Variants in CANX observed in about 807,000 individuals in gnomAD.
The protein encoded by CANX is calnexin.
A neutral mutation model predicts 75.7 loss-of-function variants in CANX; 14 were observed. The observed-to-expected ratio is 0.19, with a 90% confidence interval of 0.12 to 0.29. The LOEUF (loss-of-function observed/expected upper bound fraction) is 0.29. Ranked by LOEUF, CANX falls within the 10% of genes least tolerant of loss-of-function variation. The probability of loss-of-function intolerance (pLI) is 1.00; values close to 1 mark genes in which losing one functional copy is unlikely to be tolerated. For synonymous variants in CANX, 227 were observed against 236.9 expected (o/e 0.96, Z 0.38); for missense variants, 567 against 713.2 (o/e 0.79, Z 2.34).
intron 14 of CANX, among the ~76,000 whole-genome samples, chr5:179,727,353 T>C (rs1361684661): frequency 6.6e-6 from 1 of 152,162 alleles, no homozygotes; most frequent in Non-Finnish European, 1.5e-5. Flanking sequence ...GAAAAGATAC[T>C]AAAAGTGCTA....
At chr5:179,701,410 A>G (rs1011574476) in intron 1 of CANX, among the ~76,000 whole-genome samples, 1 of 151,752 alleles carries the variant, frequency 6.6e-6, no homozygotes, top group African/African-American at 2.4e-5. Flanking sequence ...GCCTCGCCAA[A>G]ATGGTGAAAC....
intron 8 of CANX, among the ~76,000 whole-genome samples, chr5:179,716,625 G>A (rs1353480316): frequency 6.6e-6 from 1 of 152,166 alleles, no homozygotes; most frequent in East Asian, 1.9e-4. Flanking sequence ...GTTCTGAAAT[G>A]CTAAATTTTA....
intron 7 of CANX, among the ~76,000 whole-genome samples, chr5:179,712,933 T>C (rs1777680358): frequency 6.7e-6 from 1 of 148,350 alleles, no homozygotes; most frequent in African/African-American, 2.5e-5. Flanking sequence ...TTTTTCCAGC[T>C]AATTTTTCTG....
chr5:179,720,023 C>CT (rs1296893751), intron 9 of CANX, among the ~76,000 whole-genome samples: 1 of 151,674 alleles, frequency 6.6e-6, no homozygotes, highest in African/African-American at 2.4e-5. Flanking sequence ...TAGAGACGGA[C>CT]TTTCACCGTG....
intron 1 of CANX, among the ~76,000 whole-genome samples, chr5:179,685,317 C>T (rs1776171126): frequency 6.6e-6 from 1 of 152,060 alleles, no homozygotes; most frequent in African/African-American, 2.4e-5. Flanking sequence ...TCTTGTTGCC[C>T]AGGCTGAAGT....
intron 9 of CANX, 58 bp downstream of exon 9, chr5:179,719,839 TGAGA>T: frequency 1.1e-6 from 1 of 939,226 alleles, no homozygotes; most frequent in African/African-American, 1.7e-5. Flanking sequence ...TTTTTTTTTT[TGAGA>T]TGGAGTCTCA....
chr5:179,708,916 A>G (rs2113156648), intron 5 of CANX, 62 bp from the exon 6 acceptor site: 2 of 860,536 alleles, frequency 2.3e-6, no homozygotes, highest in Admixed American at 1.7e-5. Flanking sequence ...GAGGAAATAC[A>G]TTAAGAGAGT....
chr5:179,695,404 A>AC (rs1186977719), upstream of CANX, among the ~76,000 whole-genome samples: 3 of 151,728 alleles, frequency 2.0e-5, no homozygotes, highest in Non-Finnish European at 4.4e-5. Flanking sequence ...ATCTCAGCTC[A>AC]CCGCATCCTC....
chr5:179,685,121 C>T (rs571576413), intron 1 of CANX, among the ~76,000 whole-genome samples: 1 of 151,248 alleles, frequency 6.6e-6, no homozygotes, highest in Non-Finnish European at 1.5e-5. Context: ...TTTTTGGAGG[C>T]AGAGTCTCGC....
At chr5:179,725,910 C>G (rs947431119) in intron 13 of CANX, among the ~76,000 whole-genome samples, 28 of 151,396 alleles carry the variant, frequency 1.8e-4, no homozygotes, top group Non-Finnish European at 3.5e-4. Context: ...ATCACTTGAA[C>G]CCGGAAGGCA....
rs1054552596 is a variant in CANX at position 179,698,982 on chromosome 5, C to G, written c.-124C>G. On this transcript the variant is annotated 5_prime_UTR_variant, in exon 1 of 15. Coordinates refer to ENST00000247461, the MANE Select transcript of CANX (RefSeq NM_001746.4). ...CTCGCGCGGCAGCGGTGGCCGAGGC[C>G]TCTTGGTTCTGCGGCACGTGACGGT... is the stretch of plus-strand genomic sequence containing the variant. 1.7e-5 allele frequency: 19 copies of G among 1,125,048 alleles called. No individual in the cohort carries two copies. Among genetic ancestry groups the G allele is most frequent in the Middle Eastern group, 4.0e-4 (1 of 2,498 alleles). 69.7% of individuals were successfully genotyped at this position (1,125,048 alleles called of 1,614,324 possible).
chr5:179,679,320 C>A, intron 1 of CANX: 2 of 1,382,150 alleles, frequency 1.4e-6, no homozygotes, highest in Admixed American at 2.6e-5. Context: ...GCCTCTCAAA[C>A]CGCGAGGCCG....
intron 4 of CANX, 130 bp downstream of exon 4, chr5:179,707,320 C>G (rs1295129354): frequency 1.6e-6 from 1 of 633,918 alleles, no homozygotes; most frequent in Non-Finnish European, 2.9e-6. Context: ...TGCGGTGGCT[C>G]ACGCCTGTAA....
Position 179,699,015 on chromosome 5 carries a change from C to G in CANX, c.-91C>G, listed in dbSNP as rs1004633075. ...TCTGCGGCACGTGACGGTCGGGCCG[C>G]CTCCGCCTCTCTCTTTACTGCGGCG... On this transcript the variant is annotated 5_prime_UTR_variant, in exon 1 of 15. Coordinates refer to ENST00000247461, the MANE Select transcript of CANX (RefSeq NM_001746.4). 1 of 1,116,024 alleles carries G rather than the reference C, an allele frequency of 9.0e-7. No homozygotes were observed. Among genetic ancestry groups the G allele is most frequent in the East Asian group, 9.8e-5 (1 of 10,180 alleles). The allele number at this position is 1,116,024 out of a possible 1,614,324, so 69.1% of individuals were successfully genotyped here. A position where few individuals can be genotyped will look rare whatever the true frequency, so the allele number is the denominator to read the frequency against.
chr5:179,711,247 A>G (rs528646232), intron 7 of CANX, among the ~76,000 whole-genome samples: 52 of 149,430 alleles, frequency 3.5e-4, no homozygotes, highest in Admixed American at 8.7e-4. Context: ...ACATAGTCAG[A>G]CCCTGTCTCT....
chr5:179,709,640 A>C (rs1031569489), intron 6 of CANX: 2 of 320,364 alleles, frequency 6.2e-6, no homozygotes, highest in African/African-American at 4.3e-5. Context: ...ATGAGGAAGC[A>C]ATAACTGTCT....
intron 1 of CANX, among the ~76,000 whole-genome samples, chr5:179,685,756 T>C (rs1369956148): frequency 6.6e-6 from 1 of 151,848 alleles, no homozygotes; most frequent in Non-Finnish European, 1.5e-5. Flanking sequence ...GGTTTCACCA[T>C]GTTGGCAAGG....
rs766342480 is a variant in CANX, at chr5:179,726,729, AGAG to A, written c.1701_1703del (p.Glu568del). On this transcript the variant is annotated inframe_deletion, in exon 14 of 15. Transcript: ENST00000247461. Reference sequence around the variant, plus strand: ...AAGAAGATGGTGGCACTGTCAGTCAAGAGGAGGAAGACAGAAAACCTAAAGCAG... The same window carrying A: ...AAGAAGATGGTGGCACTGTCAGTCAAGAGGAAGACAGAAAACCTAAAGCAG... 2.1e-5 allele frequency: 34 copies of A among 1,613,736 alleles called. No homozygotes were observed. Among genetic ancestry groups the A allele is most frequent in the Non-Finnish European group, 2.6e-5 (31 of 1,179,638 alleles).
At chr5:179,679,028 A>G (rs1205325514) in intron 1 of CANX, 1 of 1,534,828 alleles carries the variant, frequency 6.5e-7, no homozygotes, top group African/African-American at 1.4e-5. Flanking sequence ...CATGCGGCGC[A>G]GTGGCGGCCG....
Sources: gnomAD v4.1 joint callset for allele counts (sites outside exome capture counted in the v4.1 genomes callset) on GRCh38, gnomAD v4.1.1 for gene constraint, MANE v1.5 for transcripts, NCBI Gene and HGNC (gene_info 2026-07-23, HGNC 2026-07-21) for gene names.